Variants in TRDN observed in about 807,000 individuals in gnomAD.
The protein encoded by TRDN is triadin in skeletal muscle.
Under a neutral mutation model 149.7 loss-of-function variants are expected in TRDN, and 161 were observed. The observed-to-expected ratio is 1.08, with a 90% CI of 0.95 to 1.23. TRDN has a LOEUF of 1.23. TRDN is among the 50% of genes most tolerant of loss of function. The pLI is 0.00. For missense variants in TRDN, 896 were observed against 823.5 expected, an observed-to-expected ratio of 1.09 and a Z score of -1.08; for synonymous variants, 294 against 250.5, an observed-to-expected ratio of 1.17 and a Z score of -1.64.
chr6:123,373,936 A>T (rs1298488994), intron 19 of TRDN, among the ~76,000 whole-genome samples: 1 of 152,210 alleles, frequency 6.6e-6, no homozygotes, highest in East Asian at 1.9e-4. Flanking sequence ...AGCCTGCTGT[A>T]TGTAGCAGCT....
intron 27 of TRDN, 84 bp downstream of exon 27, chr6:123,274,557 T>C: frequency 8.1e-7 from 1 of 1,232,366 alleles, no homozygotes; most frequent in East Asian, 2.5e-5. Flanking sequence ...CATGTCTCCC[T>C]AGTGAGATGT....
At chr6:123,573,194 G>A (rs182602433) in intron 1 of TRDN, among the ~76,000 whole-genome samples, 4 of 151,992 alleles carry the variant, frequency 2.6e-5, no homozygotes, top group African/African-American at 9.7e-5. Context: ...CTAGAAGGTC[G>A]CTATTACACT....
At chr6:123,608,840 A>G (rs1475773153) in intron 1 of TRDN, among the ~76,000 whole-genome samples, 1 of 152,042 alleles carries the variant, frequency 6.6e-6, no homozygotes. Context: ...CACTGAGCAA[A>G]AATATGATCA....
chr6:123,388,903 A>G (rs1782006917), intron 13 of TRDN, among the ~76,000 whole-genome samples: 1 of 152,162 alleles, frequency 6.6e-6, no homozygotes, highest in Non-Finnish European at 1.5e-5. Flanking sequence ...CTGTGACTGG[A>G]TTAATCAAAA....
At chr6:123,380,062 C>G (rs1296977765) in intron 16 of TRDN, among the ~76,000 whole-genome samples, 1 of 152,096 alleles carries the variant, frequency 6.6e-6, no homozygotes, top group Non-Finnish European at 1.5e-5. Flanking sequence ...AAAAGCAAGT[C>G]TAGATGATAA....
chr6:123,359,485 A>G (rs1266025968), intron 20 of TRDN, among the ~76,000 whole-genome samples: 1 of 147,554 alleles, frequency 6.8e-6, no homozygotes, highest in East Asian at 1.9e-4. Flanking sequence ...ATGTTCTACT[A>G]GATGAATATT....
intron 12 of TRDN, among the ~76,000 whole-genome samples, chr6:123,409,516 A>C (rs1207096433): frequency 1.3e-5 from 2 of 152,208 alleles, no homozygotes; most frequent in African/African-American, 2.4e-5. Flanking sequence ...AATACTTTGA[A>C]CATAATAGCC....
At chr6:123,482,846 C>G (rs1007079012) in intron 9 of TRDN, among the ~76,000 whole-genome samples, 1 of 151,982 alleles carries the variant, frequency 6.6e-6, no homozygotes, top group African/African-American at 2.4e-5. Context: ...TTATAGGTGA[C>G]ACTTTTTCCC....
chr6:123,352,518 A>C (rs780829498), intron 21 of TRDN, 21 bp downstream of exon 21: 17 of 1,606,256 alleles, frequency 1.1e-5, no homozygotes, highest in Non-Finnish European at 1.4e-5. Context: ...GATAATGTCA[A>C]CCTCCTTCAT....
At chr6:123,236,775 T>C (rs1775803553) in intron 38 of TRDN, among the ~76,000 whole-genome samples, 1 of 152,170 alleles carries the variant, frequency 6.6e-6, no homozygotes, top group Non-Finnish European at 1.5e-5. Flanking sequence ...TTCTTGGATT[T>C]TTAACACTAC....
At chr6:123,347,489 C>A (rs896639295) in intron 21 of TRDN, among the ~76,000 whole-genome samples, 11 of 151,918 alleles carry the variant, frequency 7.2e-5, no homozygotes, top group African/African-American at 2.7e-4. Flanking sequence ...ATTTGGTACC[C>A]AATAGCATGC....
Position 123,503,712 on chromosome 6 carries a change from T to C in TRDN, c.793+7A>G, listed in dbSNP as rs373240967. 10 of 1,613,678 alleles carry C rather than the reference T, an allele frequency of 6.2e-6. No individual in the cohort carries two copies. The highest frequency in any genetic ancestry group is 7.6e-6 in the Non-Finnish European group (9 of 1,179,778). Reference sequence around the variant, plus strand: ...ACCTCCGGCAGCCTCCTGCTCTGAATGTTTACCTTTCTGTTCATGCTTTGA... The same window carrying C: ...ACCTCCGGCAGCCTCCTGCTCTGAACGTTTACCTTTCTGTTCATGCTTTGA... On this transcript the variant is annotated splice_region_variant and intron_variant, in intron 8 of 40. Coordinates refer to ENST00000334268, the MANE Select transcript of TRDN (RefSeq NM_006073.4).
chr6:123,605,705 AGTGAGCCGAGATT>A (rs1414926523), intron 1 of TRDN, among the ~76,000 whole-genome samples: 1 of 152,126 alleles, frequency 6.6e-6, no homozygotes, highest in Non-Finnish European at 1.5e-5. Context: ...CGGAGGTTAC[AGTGAGCCGAGATT>A]GTGCCACTGT....
chr6:123,488,716 T>G (rs894712372), intron 9 of TRDN: 2 of 151,846 alleles, frequency 1.3e-5, no homozygotes, highest in African/African-American at 4.8e-5. Context: ...CTTGTTTTTT[T>G]TTTTTTTTTC....
At position 123,484,269 on chromosome 6, in the gene TRDN, C is replaced by T. The variant is rs76931871; in HGVS notation, c.853+12924G>A. Among the ~76,000 whole-genome samples, 715 of 152,022 alleles carry T rather than the reference C, an allele frequency of 4.7e-3. 25 individuals carry two copies. The East Asian group carries it at 0.093, about 20-fold the overall frequency. ...TTATTTCCATATTTAAAAATATGTC[C>T]GCTTAAGAAAAGGGGTAAGAACTAT... On this transcript the variant is annotated intron_variant, in intron 9 of 40. Transcript: ENST00000334268.
chr6:123,579,750 T>C (rs72962821), intron 1 of TRDN, among the ~76,000 whole-genome samples: 2 of 151,952 alleles, frequency 1.3e-5, no homozygotes, highest in Non-Finnish European at 2.9e-5. Context: ...AATCCCCACA[T>C]GTCAAGAGAG....
rs143761087 is a variant in TRDN at position 123,429,412 on chromosome 6, G to A, written c.1051+8651C>T. Among the ~76,000 whole-genome samples the A allele has an allele frequency of 7.9e-5, 12 of 152,226 alleles. No individual in the cohort carries two copies. The East Asian group carries it at 1.4e-3, about 17-fold the overall frequency. The stretch of plus-strand genomic sequence containing the variant: ...GAATTTGCTGTTGTTTCAAAAATAC[G>A]CTTTTGGGATCCCTAGAGAGGCTGC... On this transcript the variant is annotated intron_variant, in intron 12 of 40. Transcript: ENST00000334268.
intron 19 of TRDN, among the ~76,000 whole-genome samples, chr6:123,371,457 G>T (rs1781324995): frequency 6.6e-6 from 1 of 151,930 alleles, no homozygotes; most frequent in Non-Finnish European, 1.5e-5. Context: ...TACAATATCT[G>T]GGGACTGCTT....
intron 19 of TRDN, among the ~76,000 whole-genome samples, chr6:123,368,251 TTTGA>T (rs1781190377): frequency 6.6e-6 from 1 of 152,184 alleles, no homozygotes; most frequent in Non-Finnish European, 1.5e-5. Context: ...CCCCAGTTCT[TTTGA>T]AGTACATGCT....
Sources: gnomAD v4.1 joint callset for allele counts (sites outside exome capture counted in the v4.1 genomes callset) on GRCh38, gnomAD v4.1.1 for gene constraint, MANE v1.5 for transcripts, NCBI Gene and HGNC (gene_info 2026-07-23, HGNC 2026-07-21) for gene names.